PTGER3: variants seen among roughly 807,000 people sequenced by gnomAD.
The protein encoded by PTGER3 is prostaglandin E receptor 3.
Under a neutral mutation model 34.7 loss-of-function variants are expected in PTGER3, and 22 were observed. The ratio of observed to expected loss-of-function variants is 0.63; its 90% confidence interval spans 0.45 to 0.91. The LOEUF (loss-of-function observed/expected upper bound fraction) is 0.91, where lower values mean the gene tolerates loss of function less well. Ranked by LOEUF, PTGER3 falls within the 40% of genes least tolerant of loss-of-function variation. The probability of loss-of-function intolerance (pLI) is 0.00; values close to 1 mark genes in which losing one functional copy is unlikely to be tolerated. For synonymous variants in PTGER3, 241 were observed against 230.1 expected, an observed-to-expected ratio of 1.05 and a Z score of -0.43; for missense variants, 468 against 519.4, an observed-to-expected ratio of 0.90 and a Z score of 0.96.
intron 4 of PTGER3, among the ~76,000 whole-genome samples, chr1:70,920,920 G>T (rs1204972436): frequency 2.6e-5 from 4 of 152,084 alleles, no homozygotes; most frequent in Non-Finnish European, 5.9e-5. Flanking sequence ...TTCTATACAA[G>T]ACTAACTCTT....
intron 4 of PTGER3, chr1:70,886,315 G>A (rs1488081751): frequency 1.1e-5 from 5 of 450,344 alleles, no homozygotes; most frequent in African/African-American, 2.0e-5. Flanking sequence ...TCCTGAACTT[G>A]CCGGCCTCCA....
chr1:71,033,837 A>T (rs1659601345), intron 1 of PTGER3, among the ~76,000 whole-genome samples: 5 of 152,144 alleles, frequency 3.3e-5, no homozygotes, highest in Admixed American at 2.6e-4. Context: ...CTGCTAAATA[A>T]ATTATAAATC....
chr1:70,937,402 C>T (rs564853372), intron 4 of PTGER3, among the ~76,000 whole-genome samples: 2 of 152,132 alleles, frequency 1.3e-5, no homozygotes, highest in African/African-American at 4.8e-5. Context: ...TGATGTCCAG[C>T]CAGCTGTTGG....
chr1:70,994,231 G>T (rs189273627), intron 2 of PTGER3, among the ~76,000 whole-genome samples: 1 of 152,122 alleles, frequency 6.6e-6, no homozygotes, highest in Admixed American at 6.5e-5. Context: ...ATATAAGAAC[G>T]TAAGAAGTGT....
chr1:71,021,814 A>G lies in PTGER3; in HGVS notation c.898-9330T>C, dbSNP rs1451364057. On this transcript the variant is annotated intron_variant, in intron 1 of 3. Coordinates refer to ENST00000306666, the MANE Select transcript of PTGER3 (RefSeq NM_198719.2). ...CTCAATATAAAAATAGAAAGTTAGA[A>G]AAACCTAGATGACTGACAATAGAGC... 2.6e-5 allele frequency among the ~76,000 whole-genome samples: 4 copies of G among 151,908 alleles called. No homozygotes were observed. The East Asian group carries it at 7.7e-4, about 29-fold the overall frequency.
intron 4 of PTGER3, among the ~76,000 whole-genome samples, chr1:70,855,473 A>AT (rs1645781327): frequency 1.3e-5 from 2 of 152,206 alleles, no homozygotes; most frequent in African/African-American, 4.8e-5. Context: ...TATGTTAAAC[A>AT]TGTTATGTTA....
intron 4 of PTGER3, among the ~76,000 whole-genome samples, chr1:70,891,292 G>C (rs1253972896): frequency 6.6e-6 from 1 of 152,184 alleles, no homozygotes; most frequent in Non-Finnish European, 1.5e-5. Context: ...TAATTTCCAA[G>C]TTATTTCTAT....
At chr1:71,017,349 A>G (rs1466843033) in intron 1 of PTGER3, among the ~76,000 whole-genome samples, 1 of 152,140 alleles carries the variant, frequency 6.6e-6, no homozygotes, top group Non-Finnish European at 1.5e-5. Flanking sequence ...TGAAAAAGGC[A>G]AAGAAACACT....
chr1:71,025,131 CCCTTCCTTCCTT>C lies in PTGER3; in HGVS notation c.898-12659_898-12648del, dbSNP rs3044608. On this transcript the variant is annotated intron_variant, in intron 1 of 3. Transcript: ENST00000306666. Reference sequence around the variant, plus strand: ...ATTCAATCCTTTTCAAGATTCCAGGCCCTTCCTTCCTTCCTTCCTTCCTTCCTTCCTTCTTTC... The same window carrying C: ...ATTCAATCCTTTTCAAGATTCCAGGCCCTTCCTTCCTTCCTTCCTTCTTTC... Among the ~76,000 whole-genome samples the C allele has an allele frequency of 7.2e-5, 9 of 124,422 alleles. No homozygotes were observed. In the East Asian group the frequency reaches 1.4e-3, roughly 20 times the overall value. The allele number at this position is 124,422 out of a possible 152,430, so 81.6% of individuals were successfully genotyped here.
chr1:70,938,649 G>A (rs1042539650), intron 4 of PTGER3, among the ~76,000 whole-genome samples: 11 of 152,038 alleles, frequency 7.2e-5, no homozygotes, highest in African/African-American at 1.7e-4. Context: ...GGAGGTGAAA[G>A]GCACTTCTTA....
intron 4 of PTGER3, among the ~76,000 whole-genome samples, chr1:70,915,713 T>A (rs1647160384): frequency 6.6e-6 from 1 of 151,996 alleles, no homozygotes; most frequent in Admixed American, 6.6e-5. Context: ...GAATAGGGTG[T>A]CCTTTCCCCA....
At chr1:71,031,513 G>A (rs991389698) in intron 1 of PTGER3, among the ~76,000 whole-genome samples, 18 of 151,994 alleles carry the variant, frequency 1.2e-4, no homozygotes, top group Non-Finnish European at 5.9e-5. Flanking sequence ...TATAGCATAG[G>A]GGTAAATAAC....
chr1:70,877,576 T>C (rs1350599978), intron 4 of PTGER3, among the ~76,000 whole-genome samples: 9 of 152,130 alleles, frequency 5.9e-5, no homozygotes, highest in African/African-American at 1.9e-4. Flanking sequence ...TTGAATATGG[T>C]GTTGGCTATG....
intron 2 of PTGER3, among the ~76,000 whole-genome samples, chr1:70,962,918 C>T (rs892021190): frequency 6.6e-5 from 10 of 152,186 alleles, no homozygotes; most frequent in Non-Finnish European, 1.3e-4. Context: ...TCCAAAGTCT[C>T]ATCTGAGACA....
At chr1:71,003,534 T>C (rs1039627992) in intron 2 of PTGER3, among the ~76,000 whole-genome samples, 1 of 152,196 alleles carries the variant, frequency 6.6e-6, no homozygotes, top group Admixed American at 6.5e-5. Flanking sequence ...GTAATATTTT[T>C]TTTAAATGGG....
chr1:70,988,547 T>A (rs1202986264), intron 2 of PTGER3, among the ~76,000 whole-genome samples: 1 of 152,188 alleles, frequency 6.6e-6, no homozygotes, highest in Non-Finnish European at 1.5e-5. Context: ...TCCTTCCTAC[T>A]GACCAGAAGG....
At chr1:70,859,011 C>T (rs144410053) in intron 4 of PTGER3, among the ~76,000 whole-genome samples, 105 of 152,142 alleles carry the variant, frequency 6.9e-4, no homozygotes, top group African/African-American at 2.1e-3. Context: ...TTCAATGATC[C>T]GCCTTGTGTT....
At chr1:71,003,587 G>T (rs1656677369) in intron 2 of PTGER3, among the ~76,000 whole-genome samples, 1 of 152,090 alleles carries the variant, frequency 6.6e-6, no homozygotes, top group African/African-American at 2.4e-5. Flanking sequence ...AACCTATATT[G>T]CTCCTCTCAG....
intron 4 of PTGER3, among the ~76,000 whole-genome samples, chr1:70,855,841 A>G (rs1035618866): frequency 6.6e-6 from 1 of 152,218 alleles, no homozygotes; most frequent in Non-Finnish European, 1.5e-5. Flanking sequence ...AGAGACAATC[A>G]TATTAACTAG....
Sources: allele counts gnomAD v4.1 joint callset (sites outside exome capture counted in the v4.1 genomes callset), GRCh38; gene constraint gnomAD v4.1.1; transcripts MANE v1.5; gene names NCBI Gene and HGNC (gene_info 2026-07-23, HGNC 2026-07-21).